Variants in ADAMTS19 observed in about 807,000 individuals in gnomAD.
ADAMTS19 encodes A disintegrin and metalloproteinase with thrombospondin motifs 19.
In ADAMTS19, 93 loss-of-function variants were observed where a neutral mutation model predicts 153.3. The ratio of observed to expected loss-of-function variants is 0.61; its 90% confidence interval spans 0.51 to 0.72. ADAMTS19 has a LOEUF of 0.72. ADAMTS19 is among the 30% of genes least tolerant of loss of function. The pLI is 0.00. For missense variants in ADAMTS19, 1,482 were observed against 1,552.1 expected, an observed-to-expected ratio of 0.95 and a Z score of 0.76; for synonymous variants, 600 against 556.6, an observed-to-expected ratio of 1.08 and a Z score of -1.10.
At chr5:129,464,893 G>A (rs995330439) in intron 2 of ADAMTS19, among the ~76,000 whole-genome samples, 3 of 152,124 alleles carry the variant, frequency 2.0e-5, no homozygotes, top group Non-Finnish European at 4.4e-5. Context: ...TTATAAGCAT[G>A]CAAATATACT....
chr5:129,462,065 T>C (rs1016086288), intron 2 of ADAMTS19, among the ~76,000 whole-genome samples: 2 of 152,212 alleles, frequency 1.3e-5, no homozygotes, highest in African/African-American at 4.8e-5. Context: ...CTTTCTGTTC[T>C]CCAGAGTTTT....
At chr5:129,564,898 G>GC (rs1753651849) in intron 7 of ADAMTS19, among the ~76,000 whole-genome samples, 1 of 152,092 alleles carries the variant, frequency 6.6e-6, no homozygotes, top group African/African-American at 2.4e-5. Flanking sequence ...AAATAAAAAG[G>GC]CCTGTGAGGT....
At chr5:129,620,550 G>T (rs1305925568) in intron 8 of ADAMTS19, 68 bp from the exon 9 acceptor site, 1 of 1,200,398 alleles carries the variant, frequency 8.3e-7, no homozygotes, top group Non-Finnish European at 1.1e-6. Context: ...TTTAACTGCA[G>T]TTATAAAAAG....
chr5:129,583,138 G>A (rs2126889865), intron 7 of ADAMTS19, among the ~76,000 whole-genome samples: 1 of 152,236 alleles, frequency 6.6e-6, no homozygotes, highest in Middle Eastern at 3.4e-3. Context: ...TTGCTTGTCT[G>A]TAAAGGATTT....
chr5:129,734,349 A>T (rs1042350208), intron 21 of ADAMTS19, among the ~76,000 whole-genome samples: 22 of 151,996 alleles, frequency 1.4e-4, no homozygotes, highest in Non-Finnish European at 3.1e-4. Flanking sequence ...TCAGATTATC[A>T]AATATTTTTA....
intron 2 of ADAMTS19, among the ~76,000 whole-genome samples, chr5:129,490,185 TCTC>T (rs755717284): frequency 6.1e-4 from 93 of 152,270 alleles, no homozygotes; most frequent in Non-Finnish European, 1.2e-3. Context: ...TCACTACAGT[TCTC>T]CTCCCAAAAT....
chr5:129,499,784 C>T (rs1751039595), intron 2 of ADAMTS19, among the ~76,000 whole-genome samples: 1 of 152,108 alleles, frequency 6.6e-6, no homozygotes, highest in South Asian at 2.1e-4. Context: ...GTAAGTGAAT[C>T]TGCTATGGAA....
intron 8 of ADAMTS19, among the ~76,000 whole-genome samples, chr5:129,608,116 G>GTGTGTGTGTGTATATATATATATATA (rs377008786): frequency 1.0e-4 from 5 of 47,954 alleles, no homozygotes; most frequent in Non-Finnish European, 2.0e-4. Flanking sequence ...GTGTGTGTGT[G>GTGTGTGTGTGTATATATATATATATA]TATATATATA....
At position 129,620,336 on chromosome 5, in the gene ADAMTS19, C is replaced by T. The variant is rs1286758988; in HGVS notation, c.1479-282C>T. 2.6e-5 allele frequency among the ~76,000 whole-genome samples: 4 copies of T among 151,944 alleles called. No homozygotes were observed. The East Asian group carries it at 7.7e-4, about 29-fold the overall frequency. On this transcript the variant is annotated intron_variant, in intron 8 of 22. Coordinates refer to ENST00000274487, the MANE Select transcript of ADAMTS19 (RefSeq NM_133638.6). ...ACATACTATTATGCAAAGAATATAT[C>T]TGTAGGTCATTTCCGTATAAAGGAC...
intron 6 of ADAMTS19, among the ~76,000 whole-genome samples, chr5:129,540,234 C>T (rs184827764): frequency 2.0e-5 from 3 of 152,060 alleles, no homozygotes; most frequent in African/African-American, 7.2e-5. Flanking sequence ...AATTTTAGCT[C>T]AGGGGTCAAG....
rs190457985 is a variant in ADAMTS19 at position 129,533,958 on chromosome 5, A to G, written c.1328+5281A>G. Among the ~76,000 whole-genome samples, 105 of 152,072 alleles carry G rather than the reference A, an allele frequency of 6.9e-4. 1 individual carries two copies. The highest frequency in any genetic ancestry group is 3.2e-4 in the Non-Finnish European group (22 of 67,990). On this transcript the variant is annotated intron_variant, in intron 6 of 22. Coordinates refer to ENST00000274487, the MANE Select transcript of ADAMTS19 (RefSeq NM_133638.6). ...TAGTTTGATTGCACTGTGGTCTGAG[A>G]GACAGTTTGTTATAATTTCTGTTCT...
chr5:129,625,969 G>A lies in ADAMTS19; in HGVS notation c.1770+3621G>A, dbSNP rs543532606. Among the ~76,000 whole-genome samples, 75 of 151,832 alleles carry A rather than the reference G, an allele frequency of 4.9e-4. 1 individual carries two copies. The South Asian group carries it at 0.016, about 32-fold the overall frequency. On this transcript the variant is annotated intron_variant, in intron 10 of 22. Transcript: ENST00000274487. ...CTAGGTTTTCTTCTAGGGTTTTTAT[G>A]GTTTTAGGTCTAACATTTAAAATTA...
chr5:129,558,208 C>T (rs559395834), intron 7 of ADAMTS19, among the ~76,000 whole-genome samples: 1 of 152,136 alleles, frequency 6.6e-6, no homozygotes, highest in African/African-American at 2.4e-5. Flanking sequence ...ACCACCACTT[C>T]TATTCGACAA....
chr5:129,566,275 A>G lies in ADAMTS19; in HGVS notation c.1372+14368A>G, dbSNP rs564847185. ...TGGAAATGTTTGATTTGCATCATAG[A>G]AAAAAAATATAATTCCCTAGGTAGT... On this transcript the variant is annotated intron_variant, in intron 7 of 22. Transcript: ENST00000274487. Among the ~76,000 whole-genome samples, 13 of 152,150 alleles carry G rather than the reference A, an allele frequency of 8.5e-5. No homozygotes were observed. In the East Asian group the frequency reaches 2.1e-3, roughly 25 times the overall value.
intron 21 of ADAMTS19, among the ~76,000 whole-genome samples, chr5:129,725,021 T>C (rs1757149553): frequency 6.6e-6 from 1 of 152,112 alleles, no homozygotes; most frequent in Non-Finnish European, 1.5e-5. Context: ...AAGCTTCTAG[T>C]TTCTATGTCT....
At chr5:129,707,413 T>C (rs544158610) in intron 21 of ADAMTS19, among the ~76,000 whole-genome samples, 5 of 152,322 alleles carry the variant, frequency 3.3e-5, no homozygotes, top group Non-Finnish European at 5.9e-5. Context: ...TTAAAGCCAT[T>C]TCTTTCCTTT....
chr5:129,683,993 G>A, intron 17 of ADAMTS19, 127 bp from the exon 18 acceptor site: 1 of 1,004,710 alleles, frequency 1.0e-6, no homozygotes, highest in African/African-American at 1.6e-5. Flanking sequence ...GTCCACAACA[G>A]CAACAACAAC....
intron 10 of ADAMTS19, among the ~76,000 whole-genome samples, chr5:129,625,909 G>A (rs1253287300): frequency 2.6e-5 from 4 of 152,108 alleles, no homozygotes; most frequent in African/African-American, 9.7e-5. Flanking sequence ...TAGTCCTGAA[G>A]TCCTTGCCCA....
intron 6 of ADAMTS19, among the ~76,000 whole-genome samples, chr5:129,539,900 A>G (rs1367482460): frequency 6.6e-6 from 1 of 152,048 alleles, no homozygotes; most frequent in Non-Finnish European, 1.5e-5. Flanking sequence ...CCAGTGCCAT[A>G]ATAGTGAAAA....
Sources: allele counts gnomAD v4.1 joint callset (sites outside exome capture counted in the v4.1 genomes callset), GRCh38; gene constraint gnomAD v4.1.1; transcripts MANE v1.5; gene names NCBI Gene and HGNC (gene_info 2026-07-23, HGNC 2026-07-21).